RIC1: variants seen among roughly 807,000 people sequenced by gnomAD.
RIC1 encodes the protein RIC1 partner of RAB6A GEF complex.
In RIC1, 88 loss-of-function variants were observed where a neutral mutation model predicts 169.0. The observed-to-expected ratio is 0.52, with a 90% CI of 0.44 to 0.62. RIC1 has a LOEUF of 0.62. Ranked by LOEUF, RIC1 falls within the 20% of genes least tolerant of loss-of-function variation. RIC1 has a pLI of 0.00. For synonymous variants in RIC1, 790 were observed against 601.5 expected (o/e 1.31, Z -4.59); for missense variants, 1,877 against 1,725.5 (o/e 1.09, Z -1.56).
chr9:5,682,452 A>G (rs942447778), intron 2 of RIC1, among the ~76,000 whole-genome samples: 1 of 152,212 alleles, frequency 6.6e-6, no homozygotes, highest in South Asian at 2.1e-4. Flanking sequence ...TTCTGGGTTG[A>G]AAATTCTTTT....
At chr9:5,692,268 A>G (rs1456120067) in intron 3 of RIC1, among the ~76,000 whole-genome samples, 1 of 152,084 alleles carries the variant, frequency 6.6e-6, no homozygotes, top group East Asian at 1.9e-4. Flanking sequence ...ACTTCTTTCA[A>G]GTTATTTAAT....
Position 5,656,628 on chromosome 9 carries a change from A to G in RIC1, c.190A>G (p.Thr64Ala), listed in dbSNP as rs1395825216. The change falls in exon 2 of 26, where the codon ACT becomes GCT. Residue 64 changes from threonine (T) to alanine (A), a missense_variant. By Grantham distance (58) the Thr-to-Ala change is moderately conservative. Around this residue, in one of 3 missense-constraint regions of RIC1, gnomAD observed 1,104 missense variants for 992.0 expected, o/e 1.11. Transcript: ENST00000414202. ...VTYKEPAKSS[T>A]QFGSYKQAEW... ...CTACAAGGAGCCTGCAAAATCATCT[A>G]CTCAGTTTGGATCCTACAAGCAAGC... 5 of 1,609,388 alleles carry G rather than the reference A, an allele frequency of 3.1e-6. No homozygotes were observed. The highest frequency in any genetic ancestry group is 1.1e-5 in the South Asian group (1 of 90,490).
At chr9:5,680,459 T>C (rs1339177689) in intron 2 of RIC1, among the ~76,000 whole-genome samples, 4 of 152,220 alleles carry the variant, frequency 2.6e-5, no homozygotes, top group African/African-American at 4.8e-5. Flanking sequence ...CAGCTGTGAA[T>C]CCATCTGGTT....
At chr9:5,675,780 C>T (rs1226107124) in intron 2 of RIC1, among the ~76,000 whole-genome samples, 1 of 152,134 alleles carries the variant, frequency 6.6e-6, no homozygotes, top group Non-Finnish European at 1.5e-5. Context: ...GTTGCTTAAA[C>T]TTTCACTAAA....
chr9:5,747,512 C>G lies in RIC1; in HGVS notation c.1452+7C>G, dbSNP rs777059365. The G allele has an allele frequency of 1.7e-5, 27 of 1,604,634 alleles. No individual in the cohort carries two copies. The East Asian group carries it at 4.7e-4, about 28-fold the overall frequency. ...GCATTGGCATGTTGTACAGGTAAATCTTTAGTTACTGATTACTAGAGACTT... is the reference window on the plus strand; with the variant it reads ...GCATTGGCATGTTGTACAGGTAAATGTTTAGTTACTGATTACTAGAGACTT... On this transcript the variant is annotated splice_region_variant and intron_variant, in intron 12 of 25. Coordinates refer to ENST00000414202, the MANE Select transcript of RIC1 (RefSeq NM_020829.4).
At chr9:5,762,373 C>G (rs1452074101) in intron 17 of RIC1, among the ~76,000 whole-genome samples, 168 bp from the exon 18 acceptor site, 1 of 152,160 alleles carries the variant, frequency 6.6e-6, no homozygotes, top group African/African-American at 2.4e-5. Context: ...ACCATCCTAG[C>G]CAGAAAGCTC....
Position 5,747,490 on chromosome 9 carries a change from T to G in RIC1, c.1437T>G (p.His479Gln), listed in dbSNP as rs549841576. Reference sequence around the variant, plus strand: ...TAAGCACTTTACTTGGACATCGGCATTGGCATGTTGTACAGGTAAATCTTT... The same window carrying G: ...TAAGCACTTTACTTGGACATCGGCAGTGGCATGTTGTACAGGTAAATCTTT... The part of the protein sequence containing the change: ...QGLSTLLGHR[H>Q]WHVVQISSTY... The change falls in exon 12 of 26, where the codon CAT (histidine) becomes CAG (glutamine). Residue 479 changes from histidine (H) to glutamine (Q), a missense_variant. This residue lies in a region of RIC1 where 1,104 missense variants were observed against 992.0 expected (regional missense o/e 1.11). Coordinates refer to ENST00000414202, the MANE Select transcript of RIC1 (RefSeq NM_020829.4). 6.2e-7 allele frequency: 1 copy of G among 1,613,840 alleles called. No homozygotes were observed. The highest frequency in any genetic ancestry group is 1.1e-5 in the South Asian group (1 of 91,080).
intron 2 of RIC1, among the ~76,000 whole-genome samples, chr9:5,681,559 C>T (rs1343900558): frequency 1.3e-5 from 2 of 152,164 alleles, no homozygotes; most frequent in African/African-American, 2.4e-5. Flanking sequence ...TGCCTTACTT[C>T]AAACTATGTG....
rs541756950 is a variant in RIC1 at position 5,763,305 on chromosome 9, C to G, written c.2278C>G (p.Pro760Ala). The G allele has an allele frequency of 6.2e-7, 1 of 1,614,180 alleles. No individual in the cohort carries two copies. The highest frequency in any genetic ancestry group is 1.7e-5 in the Admixed American group (1 of 60,022). Residue 760 changes from proline to alanine, a missense_variant, in exon 19 of 26, where the codon CCC becomes GCC. Pro to Ala is a conservative substitution (Grantham distance 27). This residue lies in a region of RIC1 where 1,104 missense variants were observed against 992.0 expected (regional missense o/e 1.11). Transcript: ENST00000414202. This position sits in a 1 kb window ranked among gnomAD's most constrained non-coding sequence, Gnocchi z 5.2. ...TCTCTTCCCTAGGGATCACCGCAAGCCCCATTCCTTCTTGTCCCAGCGGAT... is the reference window on the plus strand; with the variant it reads ...TCTCTTCCCTAGGGATCACCGCAAGGCCCATTCCTTCTTGTCCCAGCGGAT... ...LPLFPRDHRK[P>A]HSFLSQRIML...
At chr9:5,719,143 C>T (rs1054767664) in intron 4 of RIC1, 1 of 151,950 alleles carries the variant, frequency 6.6e-6, no homozygotes, top group African/African-American at 2.4e-5. Context: ...ATCTTACTTC[C>T]TTGGCTTTCT....
chr9:5,681,548 G>C (rs1820839922), intron 2 of RIC1, among the ~76,000 whole-genome samples: 1 of 152,244 alleles, frequency 6.6e-6, no homozygotes, highest in Non-Finnish European at 1.5e-5. Flanking sequence ...TTGCTGAGGA[G>C]TGCCTTACTT....
In RIC1 at chr9:5,686,639, AG is replaced by A. The variant is rs1429042395; in HGVS notation, c.253-3314del. Among the ~76,000 whole-genome samples, 12 of 54,516 alleles carry A rather than the reference AG, an allele frequency of 2.2e-4. No homozygotes were observed. In the East Asian group the frequency reaches 6.8e-3, roughly 31 times the overall value. The allele number at this position is 54,516 out of a possible 152,430, so 35.8% of individuals were successfully genotyped here. A position where few individuals can be genotyped will look rare whatever the true frequency, so the allele number is the denominator to read the frequency against. On this transcript the variant is annotated intron_variant, in intron 2 of 25. Coordinates refer to ENST00000414202, the MANE Select transcript of RIC1 (RefSeq NM_020829.4). ...CTGGGGACTGTGGTGGGGTGGGGGG[AG>A]GGGGGAGGGATAGCACTGGGAGATA...
chr9:5,657,347 A>T (rs924560580), intron 2 of RIC1, among the ~76,000 whole-genome samples: 1 of 152,064 alleles, frequency 6.6e-6, no homozygotes, highest in Non-Finnish European at 1.5e-5. Context: ...TAAGGCTGTC[A>T]TTATGACTTA....
In RIC1 at chr9:5,678,344, G is replaced by A. The variant is rs542494986; in HGVS notation, c.253-11615G>A. Among the ~76,000 whole-genome samples the A allele has an allele frequency of 4.6e-3, 705 of 152,066 alleles. 5 individuals are homozygous for A. Among genetic ancestry groups the A allele is most frequent in the African/African-American group, 0.015 (638 of 41,428 alleles). Reference sequence around the variant, plus strand: ...TGTCTTTATAGCAGCATGATTTATAGTCATTTGGGTATATACCCAGTAATG... The same window carrying A: ...TGTCTTTATAGCAGCATGATTTATAATCATTTGGGTATATACCCAGTAATG... On this transcript the variant is annotated intron_variant, in intron 2 of 25. Coordinates refer to ENST00000414202, the MANE Select transcript of RIC1 (RefSeq NM_020829.4).
At chr9:5,720,130 C>G in intron 4 of RIC1, 52 bp from the exon 5 acceptor site, 1 of 1,452,374 alleles carries the variant, frequency 6.9e-7, no homozygotes, top group South Asian at 1.2e-5. Context: ...AATATTCATA[C>G]ACATTGCTTT....
intron 2 of RIC1, among the ~76,000 whole-genome samples, chr9:5,688,184 TTTGA>T (rs61195364): frequency 0.29 from 44,699 of 151,866 alleles, 7,630 homozygotes; most frequent in East Asian, 0.61. Context: ...TATGCATTGT[TTTGA>T]TTGGTTGATT....
rs78561795 is a variant in RIC1 at position 5,640,174 on chromosome 9, G to T, written c.144+10721G>T. On this transcript the variant is annotated intron_variant, in intron 1 of 25. Coordinates refer to ENST00000414202, the MANE Select transcript of RIC1 (RefSeq NM_020829.4). ...ACTTGCTGTGTTCCTTTTAGTGAAG[G>T]TGGTTTTCTCTGGTGCTATGATTTA... 8.5e-5 allele frequency among the ~76,000 whole-genome samples: 13 copies of T among 152,268 alleles called. No individual in the cohort carries two copies. The East Asian group carries it at 1.7e-3, about 20-fold the overall frequency.
chr9:5,660,985 T>C (rs1314710793), intron 2 of RIC1, among the ~76,000 whole-genome samples: 2 of 152,086 alleles, frequency 1.3e-5, no homozygotes, highest in Non-Finnish European at 2.9e-5. Context: ...CATTTAAATC[T>C]TTAATCAATC....
intron 7 of RIC1, among the ~76,000 whole-genome samples, chr9:5,736,862 T>C (rs1347478256): frequency 3.9e-5 from 6 of 152,068 alleles, no homozygotes; most frequent in African/African-American, 1.2e-4. Context: ...GGGACAACTT[T>C]AAGGAGGCTA....
Sources: gnomAD v4.1 joint callset for allele counts (sites outside exome capture counted in the v4.1 genomes callset) on GRCh38, gnomAD v4.1.1 for gene constraint, gnomAD v4.1.1 regional missense constraint, Gnocchi (gnomAD v3.1) non-coding constraint, MANE v1.5 for transcripts, NCBI Gene and HGNC (gene_info 2026-07-23, HGNC 2026-07-21) for gene names.